CAPN10: variants seen among roughly 807,000 people sequenced by gnomAD.
The protein encoded by CAPN10 is calpain 10, also known as calpain-10.
In CAPN10, 71 loss-of-function variants were observed where a neutral mutation model predicts 78.4. The ratio of observed to expected loss-of-function variants is 0.91; its 90% confidence interval spans 0.75 to 1.10. The LOEUF is 1.10. Among genes scored for constraint, CAPN10 ranks in the 50% least tolerant of loss-of-function variants. The probability of loss-of-function intolerance (pLI) is 0.00; values close to 1 mark genes in which losing one functional copy is unlikely to be tolerated. For synonymous variants in CAPN10, 437 were observed against 407.2 expected (o/e 1.07, Z -0.88); for missense variants, 849 against 924.6 (o/e 0.92, Z 1.06).
At chr2:240,588,567 G>GAACTACTGCTGAGTAGTTGGGGAAGT (rs1416972893) in intron 1 of CAPN10, among the ~76,000 whole-genome samples, 1 of 152,176 alleles carries the variant, frequency 6.6e-6, no homozygotes, top group Non-Finnish European at 1.5e-5. Context: ...TTGGGGAAGA[G>GAACTACTGCTGAGTAGTTGGGGAAGT]AGTTGGGACC....
intron 9 of CAPN10, among the ~76,000 whole-genome samples, chr2:240,597,624 T>C: frequency 6.6e-6 from 1 of 152,116 alleles, no homozygotes; most frequent in Non-Finnish European, 1.5e-5. Flanking sequence ...GTGGGAGCCC[T>C]TGGGGCGGGC....
Position 240,595,933 on chromosome 2 carries a change from G to A in CAPN10, c.1279-386G>A, listed in dbSNP as rs866873298. ...GGTTTTCATCTTGTGTGTCTTGACAGGGTGTGACACTTGGCACCACACTGT... is the reference window on the plus strand; with the variant it reads ...GGTTTTCATCTTGTGTGTCTTGACAAGGTGTGACACTTGGCACCACACTGT... On this transcript the variant is annotated intron_variant, in intron 7 of 11. Coordinates refer to ENST00000391984, the MANE Select transcript of CAPN10 (RefSeq NM_023083.4). 2.1e-5 allele frequency: 28 copies of A among 1,341,478 alleles called. No individual in the cohort carries two copies. In the African/African-American group the frequency reaches 3.7e-4, roughly 18 times the overall value. 83.1% of individuals were successfully genotyped at this position (1,341,478 alleles called of 1,614,324 possible). A position where few individuals can be genotyped will look rare whatever the true frequency, so the allele number is the denominator to read the frequency against.
chr2:240,596,951 C>T lies in CAPN10; in HGVS notation c.1743+9C>T, dbSNP rs374071753. The T allele has an allele frequency of 3.1e-6, 5 of 1,613,330 alleles. No homozygotes were observed. The highest frequency in any genetic ancestry group is 4.2e-6 in the Non-Finnish European group (5 of 1,180,040). Reference sequence around the variant, plus strand: ...GCTTCCATATCTTCCAGGCAAGCTCCTTGCCCCAGGGAGGGAGGGGGAGCA... The same window carrying T: ...GCTTCCATATCTTCCAGGCAAGCTCTTTGCCCCAGGGAGGGAGGGGGAGCA... On this transcript the variant is annotated intron_variant, in intron 9 of 11. Coordinates refer to ENST00000391984, the MANE Select transcript of CAPN10 (RefSeq NM_023083.4).
At chr2:240,590,580 G>T (rs2093095130) in intron 2 of CAPN10, 2 of 507,578 alleles carry the variant, frequency 3.9e-6, no homozygotes, top group South Asian at 5.4e-5. Flanking sequence ...AGTTCTCTGC[G>T]ACATCCAGGT....
intron 4 of CAPN10, chr2:240,592,457 C>G (rs2093108641): frequency 1.6e-6 from 1 of 640,400 alleles, no homozygotes; most frequent in Non-Finnish European, 3.0e-6. Flanking sequence ...CTGGCAAAAT[C>G]AAAACCTGTT....
At chr2:240,587,652 C>CG (rs1409977749) in intron 1 of CAPN10, among the ~76,000 whole-genome samples, 2 of 152,328 alleles carry the variant, frequency 1.3e-5, no homozygotes, top group African/African-American at 4.8e-5. Flanking sequence ...AACTGATGGC[C>CG]GCCAGTCTTC....
chr2:240,595,427 C>A, intron 7 of CAPN10, 123 bp downstream of exon 7: 1 of 1,078,820 alleles, frequency 9.3e-7, no homozygotes, highest in South Asian at 1.5e-5. Context: ...CCACCAGTCT[C>A]CCCCCTCCTT....
At chr2:240,589,302 A>G in intron 1 of CAPN10, 41 bp from the exon 2 acceptor site, 1 of 1,613,940 alleles carries the variant, frequency 6.2e-7, no homozygotes, top group East Asian at 2.2e-5. Context: ...AGGGTTCCAC[A>G]GCAGGCATGA....
chr2:240,593,996 G>A lies in CAPN10; in HGVS notation c.779G>A (p.Arg260Gln), dbSNP rs201991603. The change falls in exon 5 of 12, where the codon CGG becomes CAG. Residue 260 changes from arginine (R) to glutamine (Q), a missense_variant. By Grantham distance (43) the Arg-to-Gln change is conservative. Coordinates refer to ENST00000391984, the MANE Select transcript of CAPN10 (RefSeq NM_023083.4). ...GCGGGCCAGTGCATCCTGCTGCTGC[G>A]GATCCAGAACCCCTGGGGCCGGCGG... ...GQAGQCILLL[R>Q]IQNPWGRRCW... The A allele has an allele frequency of 7.1e-5, 115 of 1,611,294 alleles. No homozygotes were observed. The highest frequency in any genetic ancestry group is 8.9e-5 in the East Asian group (4 of 44,780).
intron 4 of CAPN10, 59 bp downstream of exon 4, chr2:240,592,209 T>A: frequency 1.4e-6 from 2 of 1,393,770 alleles, no homozygotes; most frequent in South Asian, 2.5e-5. Flanking sequence ...CTGCCAGGCC[T>A]CAGGCACACT....
chr2:240,587,502 A>G (rs2093076296), intron 1 of CAPN10, among the ~76,000 whole-genome samples: 1 of 152,222 alleles, frequency 6.6e-6, no homozygotes. Flanking sequence ...CTGCCTTTCC[A>G]GTTGTAACAC....
chr2:240,589,213 T>C, intron 1 of CAPN10, 130 bp from the exon 2 acceptor site: 2 of 1,211,498 alleles, frequency 1.7e-6, no homozygotes, highest in South Asian at 2.5e-5. Flanking sequence ...CACCTTCCTG[T>C]CCCTTTTTGG....
At chr2:240,596,150 T>G in intron 7 of CAPN10, 169 bp from the exon 8 acceptor site, 2 of 1,496,232 alleles carry the variant, frequency 1.3e-6, no homozygotes, top group Admixed American at 2.1e-5. Context: ...AAGCCCGGGA[T>G]TGGTGGGCAT....
intron 3 of CAPN10, chr2:240,591,729 G>T: frequency 1.7e-6 from 1 of 594,792 alleles, no homozygotes; most frequent in Non-Finnish European, 3.0e-6. Flanking sequence ...AGGACTGCAG[G>T]GCGCTCACGC....
In CAPN10 at chr2:240,593,945, C is replaced by T. The variant is rs776379324; in HGVS notation, c.728C>T (p.Ser243Leu). The change falls in exon 5 of 12, where the codon TCG becomes TTG. Residue 243 changes from serine (S) to leucine (L), a missense_variant. Physicochemically the swap from Ser to Leu is moderately radical, Grantham distance 145. Coordinates refer to ENST00000391984, the MANE Select transcript of CAPN10 (RefSeq NM_023083.4). ...ELGEFHAFIV[S>L]DLRELQGQAG... ...GGGGAGTTCCATGCCTTCATTGTCT[C>T]GGACCTGCGGGAGCTCCAGGGTCAG... 54 of 1,609,616 alleles carry T rather than the reference C, an allele frequency of 3.4e-5. No individual in the cohort carries two copies. Among genetic ancestry groups the T allele is most frequent in the Non-Finnish European group, 4.1e-5 (48 of 1,177,028 alleles).
rs753739887 is a variant in CAPN10 at position 240,590,922 on chromosome 2, C to G, written c.381C>G (p.Arg127=). The change falls in exon 3 of 12, where the codon CGC becomes CGG. Residue 127 remains arginine, a synonymous_variant. Transcript: ENST00000391984. ...GRWVEVTTDD[R]LPCLAGRLCF... ...GGGTGGAGGTGACCACAGATGACCG[C>G]CTGCCGTGCCTTGCAGGGAGACTCT... 1 of 1,614,236 alleles carries G rather than the reference C, an allele frequency of 6.2e-7. No individual in the cohort carries two copies. Among genetic ancestry groups the G allele is most frequent in the Non-Finnish European group, 8.5e-7 (1 of 1,180,050 alleles).
chr2:240,596,411 G>A lies in CAPN10; in HGVS notation c.1371G>A (p.Leu457=), dbSNP rs2093137094. The A allele has an allele frequency of 6.2e-7, 1 of 1,613,646 alleles. No homozygotes were observed. The highest frequency in any genetic ancestry group is 8.5e-7 in the Non-Finnish European group (1 of 1,179,962). ...ATGCATACGACCGGGAGGTCCACCT[G>A]CGTTGTGAGCTCTCACCGGGCTACT... ...ACHAYDREVH[L]RCELSPGYYL... The change falls in exon 8 of 12, where the codon CTG becomes CTA. Residue 457 remains leucine, a synonymous_variant. Transcript: ENST00000391984.
chr2:240,590,480 T>G, intron 2 of CAPN10: 1 of 234,058 alleles, frequency 4.3e-6, no homozygotes, highest in Non-Finnish European at 8.4e-6. Context: ...GCTCCCTCGG[T>G]GTGGTCCTCA....
rs1253593532 is a variant in CAPN10, at chr2:240,598,358, C to T, written c.1950C>T (p.Ser650=). Residue 650 remains serine (S), a synonymous_variant, in exon 11 of 12, where the codon TCC becomes TCT. Transcript: ENST00000391984. ...VTIATRIDRP[S]IHSQEMLGQF... Reference sequence around the variant, plus strand: ...ATCTGGTGTCTCTCCACAGGCCATCCATTCACAGCCAGGAGATGCTGGGCC... The same window carrying T: ...ATCTGGTGTCTCTCCACAGGCCATCTATTCACAGCCAGGAGATGCTGGGCC... The T allele has an allele frequency of 6.2e-7, 1 of 1,613,700 alleles. No homozygotes were observed. Among genetic ancestry groups the T allele is most frequent in the African/African-American group, 1.3e-5 (1 of 74,920 alleles).
Sources: allele counts gnomAD v4.1 joint callset (sites outside exome capture counted in the v4.1 genomes callset), GRCh38; gene constraint gnomAD v4.1.1; transcripts MANE v1.5; gene names NCBI Gene and HGNC (gene_info 2026-07-23, HGNC 2026-07-21).